NF1: variants seen among roughly 807,000 people sequenced by gnomAD.
NF1 encodes neurofibromin.
In NF1, 122 loss-of-function variants were observed where a neutral mutation model predicts 325.7. The observed-to-expected ratio is 0.37, with a 90% CI of 0.32 to 0.44. The LOEUF is 0.44. NF1 is among the 20% of genes least tolerant of loss of function. NF1 has a pLI of 1.00. For synonymous variants in NF1, 1,091 were observed against 1,186.0 expected, an observed-to-expected ratio of 0.92 and a Z score of 1.65; for missense variants, 2,140 against 3,415.4, an observed-to-expected ratio of 0.63 and a Z score of 9.31.
intron 29 of NF1, among the ~76,000 whole-genome samples, chr17:31,244,952 A>C (rs556059777): frequency 6.6e-6 from 1 of 152,236 alleles, no homozygotes; most frequent in Non-Finnish European, 1.5e-5. Flanking sequence ...TTTTATACAC[A>C]GGAACACTTG....
chr17:31,280,208 T>A lies in NF1; in HGVS notation c.4835+14869T>A, dbSNP rs186017691. Among the ~76,000 whole-genome samples, 20 of 151,090 alleles carry A rather than the reference T, an allele frequency of 1.3e-4. No homozygotes were observed. In the East Asian group the frequency reaches 3.3e-3, roughly 25 times the overall value. ...TTATAGCCCATATAAAGTTTTTTTTTAATTTTTTTTTTTTTTAAAAAAGAA... is the reference window on the plus strand; with the variant it reads ...TTATAGCCCATATAAAGTTTTTTTTAAATTTTTTTTTTTTTTAAAAAAGAA... On this transcript the variant is annotated intron_variant, in intron 36 of 57. Coordinates refer to ENST00000358273, the MANE Select transcript of NF1 (RefSeq NM_001042492.3).
chr17:31,284,090 A>G (rs1397344888), intron 36 of NF1, among the ~76,000 whole-genome samples: 1 of 152,068 alleles, frequency 6.6e-6, no homozygotes, highest in Non-Finnish European at 1.5e-5. Flanking sequence ...TGCTCTGTAA[A>G]AAGATTTTTG....
At chr17:31,230,205 G>A (rs2067088845) in intron 22 of NF1, 55 bp from the exon 23 acceptor site, 3 of 1,579,716 alleles carry the variant, frequency 1.9e-6, no homozygotes, top group African/African-American at 1.3e-5. Flanking sequence ...TATTTAGAAT[G>A]CCTTCTCTTT....
chr17:31,268,305 G>T (rs2067826496), intron 36 of NF1, among the ~76,000 whole-genome samples: 1 of 152,086 alleles, frequency 6.6e-6, no homozygotes, highest in East Asian at 1.9e-4. Flanking sequence ...TCCAGTATGT[G>T]CTCCTGGCCC....
chr17:31,154,183 G>T (rs1471032806), intron 1 of NF1, among the ~76,000 whole-genome samples: 3 of 147,616 alleles, frequency 2.0e-5, no homozygotes, highest in African/African-American at 7.5e-5. Flanking sequence ...AGCCTCCCTA[G>T]TAGCTGGGAT....
intron 24 of NF1, among the ~76,000 whole-genome samples, chr17:31,231,442 TAC>T (rs1253297597): frequency 6.6e-6 from 1 of 152,176 alleles, no homozygotes; most frequent in Non-Finnish European, 1.5e-5. Flanking sequence ...AGCTTTATAA[TAC>T]AGTCTTCTCT....
chr17:31,207,131 G>A lies in NF1; in HGVS notation c.1392+760G>A, dbSNP rs543304832. Among the ~76,000 whole-genome samples the A allele has an allele frequency of 3.3e-5, 5 of 152,302 alleles. No individual in the cohort carries two copies. In the South Asian group the frequency reaches 1.0e-3, roughly 32 times the overall value. On this transcript the variant is annotated intron_variant, in intron 12 of 57. Transcript: ENST00000358273. Reference sequence around the variant, plus strand: ...TGCTTCTTATTTTCTATTATTGGCTGCTGTCGCTCACATGATCAGATGCCA... The same window carrying A: ...TGCTTCTTATTTTCTATTATTGGCTACTGTCGCTCACATGATCAGATGCCA...
intron 5 of NF1, among the ~76,000 whole-genome samples, chr17:31,179,531 T>C (rs1221355229): frequency 6.6e-6 from 1 of 151,972 alleles, no homozygotes; most frequent in Non-Finnish European, 1.5e-5. Context: ...CTGAAGGAGA[T>C]AGAGACACGA....
Position 31,358,538 on chromosome 17 carries a change from T to G in NF1, c.8029T>G (p.Leu2677Val). The part of the protein sequence containing the change: ...TLLSLCQDPN[L>V]LNPIHGIVQS... ...GTTATCATTGTGCCAAGATCCAAAT[T>G]TGTTAAATCCAATCCATGGAATTGT... is the stretch of plus-strand genomic sequence containing the variant. The change falls in exon 55 of 58, where the codon TTG becomes GTG. Residue 2677 changes from leucine to valine, a missense_variant. Leu to Val is a conservative substitution (Grantham distance 32). Around this residue, in one of 10 missense-constraint regions of NF1, gnomAD observed 522 missense variants for 749.0 expected, o/e 0.70. Coordinates refer to ENST00000358273, the MANE Select transcript of NF1 (RefSeq NM_001042492.3). The G allele has an allele frequency of 6.2e-7, 1 of 1,614,044 alleles. No homozygotes were observed. The highest frequency in any genetic ancestry group is 1.3e-5 in the African/African-American group (1 of 75,044).
At chr17:31,153,906 G>A (rs1220220709) in intron 1 of NF1, among the ~76,000 whole-genome samples, 5 of 151,852 alleles carry the variant, frequency 3.3e-5, no homozygotes, top group East Asian at 1.9e-4. Context: ...GAGCCATTGC[G>A]CATGTCCCCA....
At chr17:31,276,527 A>G (rs754133934) in intron 36 of NF1, among the ~76,000 whole-genome samples, 3 of 152,198 alleles carry the variant, frequency 2.0e-5, no homozygotes, top group African/African-American at 4.8e-5. Context: ...TTATCAAAAA[A>G]TAAAAAAGTT....
rs752959118 is a variant in NF1, at chr17:31,181,454, G to A, written c.619G>A (p.Val207Ile). 6.2e-7 allele frequency: 1 copy of A among 1,613,358 alleles called. No homozygotes were observed. The highest frequency in any genetic ancestry group is 8.5e-7 in the Non-Finnish European group (1 of 1,179,644). ...ATTTAAATTTAAAGCCCTAAAGAAG[G>A]TTGCGCAGTTAGCAGTTATAAATAG... ...TAFKFKALKK[V>I]AQLAVINSLE... The change falls in exon 6 of 58, where the codon GTT becomes ATT. Residue 207 changes from valine to isoleucine, a missense_variant. Physicochemically the swap from Val to Ile is conservative, Grantham distance 29. Coordinates refer to ENST00000358273, the MANE Select transcript of NF1 (RefSeq NM_001042492.3).
chr17:31,231,753 A>G (rs1054972309), intron 24 of NF1, among the ~76,000 whole-genome samples: 5 of 152,234 alleles, frequency 3.3e-5, no homozygotes, highest in African/African-American at 1.2e-4. Context: ...AATATTTTCA[A>G]TCCATGGGTG....
chr17:31,308,451 A>G (rs76151096), intron 36 of NF1, among the ~76,000 whole-genome samples: 1 of 152,174 alleles, frequency 6.6e-6, no homozygotes, highest in East Asian at 1.9e-4. Context: ...TGTTAAGATA[A>G]AACTTCTAAA....
chr17:31,130,319 TC>T (rs1291596725), intron 1 of NF1, among the ~76,000 whole-genome samples: 2 of 152,146 alleles, frequency 1.3e-5, no homozygotes, highest in Non-Finnish European at 2.9e-5. Flanking sequence ...GTCACAATAC[TC>T]CCGTGGGTTG....
At chr17:31,122,927 C>T (rs991846947) in intron 1 of NF1, among the ~76,000 whole-genome samples, 1 of 151,830 alleles carries the variant, frequency 6.6e-6, no homozygotes, top group African/African-American at 2.4e-5. Context: ...CTGCATCTTT[C>T]TTTTTTTTAA....
intron 31 of NF1, among the ~76,000 whole-genome samples, chr17:31,257,379 A>G (rs563156391): frequency 4.3e-4 from 66 of 152,352 alleles, no homozygotes; most frequent in African/African-American, 1.4e-3. Context: ...ATGAACATAT[A>G]TAGTATATAT....
intron 3 of NF1, among the ~76,000 whole-genome samples, chr17:31,159,856 T>G (rs1197487312): frequency 6.6e-6 from 1 of 152,202 alleles, no homozygotes; most frequent in Non-Finnish European, 1.5e-5. Flanking sequence ...TCTCTTCCTT[T>G]GGCTCAGAAT....
chr17:31,225,217 C>T lies in NF1; in HGVS notation c.1968C>T (p.Ala656=), dbSNP rs2144027539. 2 of 1,613,794 alleles carry T rather than the reference C, an allele frequency of 1.2e-6. No individual in the cohort carries two copies. Among genetic ancestry groups the T allele is most frequent in the East Asian group, 2.2e-5 (1 of 44,848 alleles). ...AAGAATTACTACGTACTCCTGGAGC[C>T]TCTCTCCGGAAGGGAAAAGGGAACT... The part of the protein sequence containing the change: ...DHEELLRTPG[A]SLRKGKGNSS... Residue 656 remains alanine (A), a synonymous_variant, in exon 17 of 58, where the codon GCC becomes GCT. Transcript: ENST00000358273.
Sources: allele counts gnomAD v4.1 joint callset (sites outside exome capture counted in the v4.1 genomes callset), GRCh38; gene constraint gnomAD v4.1.1; regional missense constraint gnomAD v4.1.1; transcripts MANE v1.5; gene names NCBI Gene and HGNC (gene_info 2026-07-23, HGNC 2026-07-21).